The following SH2D1A variants were observed in gnomAD, a reference collection of about 807,000 sequenced individuals.
The protein encoded by SH2D1A is SH2 domain-containing protein 1A.
Under a neutral mutation model 10.1 loss-of-function variants are expected in SH2D1A, and 6 were observed. The observed-to-expected ratio is 0.60, with a 90% confidence interval of 0.33 to 1.18. The LOEUF is 1.18. Among genes scored for constraint, SH2D1A ranks in the 50% most tolerant of loss-of-function variants. The probability of loss-of-function intolerance (pLI) is 0.04; values close to 1 mark genes in which losing one functional copy is unlikely to be tolerated. For missense variants in SH2D1A, 51 were observed against 97.6 expected, an observed-to-expected ratio of 0.52 and a Z score of 2.01; for synonymous variants, 42 against 36.9, an observed-to-expected ratio of 1.14 and a Z score of -0.51.
In SH2D1A at chrX:124,372,505, A is replaced by G. The variant is rs1239168935; in HGVS notation, c.*1114A>G. The G allele has an allele frequency of 5.8e-6, 1 of 171,474 alleles. No individual in the cohort carries two copies. The highest frequency in any genetic ancestry group is 3.0e-5 in the African/African-American group (1 of 33,804). 14.1% of individuals were successfully genotyped at this position (171,474 alleles called of 1,213,427 possible). On this transcript the variant is annotated 3_prime_UTR_variant, in exon 4 of 4. Transcript: ENST00000371139. ...ACGATAAAAGACAGTGAAAGAAAATAACGATAAAAGACAGTGAAAGAAAAT... is the reference window on the plus strand; with the variant it reads ...ACGATAAAAGACAGTGAAAGAAAATGACGATAAAAGACAGTGAAAGAAAAT...
At position 124,372,481 on chromosome X, in the gene SH2D1A, C is replaced by T. The variant is rs750294420; in HGVS notation, c.*1090C>T. 60 of 169,415 alleles carry T rather than the reference C, an allele frequency of 3.5e-4. No individual in the cohort carries two copies. The highest frequency in any genetic ancestry group is 1.8e-3 in the African/African-American group (59 of 33,214). The allele number at this position is 169,415 out of a possible 1,213,427, so 14.0% of individuals were successfully genotyped here. A position where few individuals can be genotyped will look rare whatever the true frequency, so the allele number is the denominator to read the frequency against. On this transcript the variant is annotated 3_prime_UTR_variant, in exon 4 of 4. Coordinates refer to ENST00000371139, the MANE Select transcript of SH2D1A (RefSeq NM_002351.5). The stretch of plus-strand genomic sequence containing the variant: ...GTCTTGTTGGACGAGAAAACAATAA[C>T]GATAAAAGACAGTGAAAGAAAATAA...
rs2060066238 is a variant in SH2D1A, at chrX:124,370,298, T to C, written c.324T>C (p.Ala108=). 8.3e-7 allele frequency: 1 copy of C among 1,204,079 alleles called. No homozygotes were observed. The highest frequency in any genetic ancestry group is 2.2e-5 in the Admixed American group (1 of 45,722). ...LQYPVEKKSS[A]RSTQGTTGIR... ...ATCCAGTTGAGAAGAAGTCCTCAGC[T>C]AGAAGTACACAAGGTACTACAGGTA... The change falls in exon 3 of 4, where the codon GCT becomes GCC. Residue 108 remains alanine (A), a synonymous_variant. Coordinates refer to ENST00000371139, the MANE Select transcript of SH2D1A (RefSeq NM_002351.5).
At chrX:124,364,539 C>T (rs185125411) in intron 1 of SH2D1A, 43 of 190,296 alleles carry the variant, frequency 2.3e-4, no homozygotes, top group Admixed American at 6.3e-4. Flanking sequence ...CAATCTCGCT[C>T]CGTCACCCAG....
chrX:124,357,953 G>A (rs1023595882), intron 1 of SH2D1A, among the ~76,000 whole-genome samples: 6 of 109,694 alleles, frequency 5.5e-5, no homozygotes, highest in African/African-American at 2.0e-4. Flanking sequence ...CCGAGTAGCT[G>A]CCTTTGCCCA....
chrX:124,371,034 C>T (rs1177976472), intron 3 of SH2D1A, among the ~76,000 whole-genome samples: 11 of 111,545 alleles, frequency 9.9e-5, no homozygotes, highest in Non-Finnish European at 1.7e-4. Flanking sequence ...TAAAAGAAAA[C>T]GAGTCCCTTT....
At position 124,373,081 on chromosome X, in the gene SH2D1A, C is replaced by CT. The variant is rs2060073876; in HGVS notation, c.*1697dup. Reference sequence around the variant, plus strand: ...TGTTTGCATGTTCACTTCCAAGAGCCTTTTTTTGAAAAAAAGCTTTTTTTG... The same window carrying CT: ...TGTTTGCATGTTCACTTCCAAGAGCCTTTTTTTTGAAAAAAAGCTTTTTTTG... On this transcript the variant is annotated 3_prime_UTR_variant, in exon 4 of 4. Coordinates refer to ENST00000371139, the MANE Select transcript of SH2D1A (RefSeq NM_002351.5). 1 of 153,328 alleles carries CT rather than the reference C, an allele frequency of 6.5e-6. No homozygotes were observed. The highest frequency in any genetic ancestry group is 1.3e-5 in the Non-Finnish European group (1 of 77,935). 12.6% of individuals were successfully genotyped at this position (153,328 alleles called of 1,213,427 possible). A position where few individuals can be genotyped will look rare whatever the true frequency, so the allele number is the denominator to read the frequency against.
At chrX:124,363,438 G>A (rs1474763869) in intron 1 of SH2D1A, among the ~76,000 whole-genome samples, 4 of 111,077 alleles carry the variant, frequency 3.6e-5, no homozygotes, top group Admixed American at 9.6e-5. Context: ...CCTTAACGAC[G>A]AACAGCATAT....
At chrX:124,364,174 G>T (rs1483720108) in intron 1 of SH2D1A, among the ~76,000 whole-genome samples, 2 of 110,799 alleles carry the variant, frequency 1.8e-5, no homozygotes, top group Non-Finnish European at 3.8e-5. Flanking sequence ...CCGTGTGTGT[G>T]ACTGCACCTG....
intron 3 of SH2D1A, among the ~76,000 whole-genome samples, chrX:124,371,144 C>G (rs920943408): frequency 1.8e-5 from 2 of 111,410 alleles, no homozygotes; most frequent in Non-Finnish European, 3.8e-5. Flanking sequence ...GCAAATAGAG[C>G]TCTAATTTCC....
At chrX:124,352,978 C>A (rs773149116) in intron 1 of SH2D1A, among the ~76,000 whole-genome samples, 54 of 111,294 alleles carry the variant, frequency 4.9e-4, no homozygotes, top group Admixed American at 6.7e-4. Context: ...TTTGAAATAG[C>A]TAGAAGAGAG....
chrX:124,348,450 G>C (rs1053205259), intron 1 of SH2D1A, among the ~76,000 whole-genome samples: 1 of 111,355 alleles, frequency 9.0e-6, no homozygotes, highest in Admixed American at 9.6e-5. Flanking sequence ...TCAGCCTCAC[G>C]GGGCTCCTGG....
At chrX:124,355,104 G>A (rs192413639) in intron 1 of SH2D1A, among the ~76,000 whole-genome samples, 5 of 112,776 alleles carry the variant, frequency 4.4e-5, no homozygotes, top group Admixed American at 9.4e-5. Flanking sequence ...TCGTATAGAC[G>A]TAGAGGGCAT....
intron 1 of SH2D1A, among the ~76,000 whole-genome samples, chrX:124,347,223 C>T (rs988042851): frequency 9.0e-6 from 1 of 111,060 alleles, no homozygotes; most frequent in African/African-American, 3.3e-5. Context: ...AGAGGAGGCA[C>T]ATTAAGAAAC....
chrX:124,370,040 C>G (rs188082409), intron 2 of SH2D1A, 136 bp from the exon 3 acceptor site: 49 of 556,762 alleles, frequency 8.8e-5, no homozygotes. Context: ...TGTTGTTTTT[C>G]CTTCTTCCTT....
chrX:124,363,998 T>C (rs376939741), intron 1 of SH2D1A, among the ~76,000 whole-genome samples: 3 of 109,485 alleles, frequency 2.7e-5, no homozygotes, highest in South Asian at 7.9e-4. Context: ...AACAAATTAC[T>C]GTGTTACTGG....
At chrX:124,364,425 TAA>T (rs1569527547) in intron 1 of SH2D1A, 2 of 282,514 alleles carry the variant, frequency 7.1e-6, no homozygotes, top group Non-Finnish European at 1.3e-5. Flanking sequence ...CGAAGTGTTA[TAA>T]AAGAGTCAAA....
At chrX:124,358,958 ATATTATAGTAAGAGTTGAC>A (rs2060032860) in intron 1 of SH2D1A, among the ~76,000 whole-genome samples, 1 of 111,693 alleles carries the variant, frequency 9.0e-6, no homozygotes, top group Non-Finnish European at 1.9e-5. Context: ...CTTGTATGAC[ATATTATAGTAAGAGTTGAC>A]TACAGGGGAT....
intron 1 of SH2D1A, among the ~76,000 whole-genome samples, chrX:124,350,632 A>G (rs1287597563): frequency 8.0e-5 from 4 of 49,848 alleles, no homozygotes; most frequent in African/African-American, 3.7e-4. Flanking sequence ...AATATATTAT[A>G]TATTGTATAT....
intron 1 of SH2D1A, among the ~76,000 whole-genome samples, chrX:124,363,345 C>CAT (rs1232938706): frequency 2.7e-5 from 3 of 111,517 alleles, no homozygotes; most frequent in Non-Finnish European, 5.7e-5. Flanking sequence ...GTTTTTAATT[C>CAT]ATATATTTTT....
Sources: gnomAD v4.1 joint callset for allele counts (sites outside exome capture counted in the v4.1 genomes callset) on GRCh38, gnomAD v4.1.1 for gene constraint, MANE v1.5 for transcripts, NCBI Gene and HGNC (gene_info 2026-07-23, HGNC 2026-07-21) for gene names.